Variants in ZBBX observed in about 807,000 individuals in gnomAD.
ZBBX encodes the protein zinc finger B-box domain containing, also known as zinc finger B-box domain-containing protein 1.
In ZBBX, 101 loss-of-function variants were observed where a neutral mutation model predicts 108.5. The observed-to-expected ratio is 0.93, with a 90% CI of 0.79 to 1.10. The LOEUF (loss-of-function observed/expected upper bound fraction) is 1.10. Ranked by LOEUF, ZBBX falls within the 50% of genes least tolerant of loss-of-function variation. ZBBX has a pLI of 0.00. For synonymous variants in ZBBX, 356 were observed against 323.4 expected (o/e 1.10, Z -1.08); for missense variants, 1,009 against 941.4 (o/e 1.07, Z -0.94).
the ZBBX span, among the ~76,000 whole-genome samples, chr3:167,229,398 C>A: frequency 2.0e-5 from 3 of 151,858 alleles, no homozygotes; most frequent in Admixed American, 6.6e-5. Context: ...TTGTCTCTAT[C>A]AGACCATAAA....
intron 21 of ZBBX, 114 bp from the exon 22 acceptor site, chr3:167,241,033 G>A: frequency 1.6e-6 from 2 of 1,266,490 alleles, no homozygotes; most frequent in South Asian, 1.5e-5. Context: ...GCAGATGTGA[G>A]GGAGCTGTAT....
intron 18 of ZBBX, among the ~76,000 whole-genome samples, chr3:167,294,296 T>C (rs760583334): frequency 3.9e-5 from 6 of 152,124 alleles, no homozygotes; most frequent in African/African-American, 1.4e-4. Context: ...CTTTAAAGTA[T>C]ACTACAAGGC....
intron 1 of ZBBX, among the ~76,000 whole-genome samples, chr3:167,398,832 G>A (rs1482946350): frequency 2.6e-5 from 4 of 151,992 alleles, no homozygotes; most frequent in African/African-American, 9.7e-5. Context: ...ATTGAGGGAT[G>A]GGGCCAGATT....
At chr3:167,222,221 CCA>C in the ZBBX span, among the ~76,000 whole-genome samples, 2 of 12,580 alleles carry the variant, frequency 1.6e-4, no homozygotes, top group Non-Finnish European at 2.8e-4. Context: ...TACTATTTGG[CCA>C]AAAAAAAAAA....
At chr3:167,178,481 G>T in the ZBBX span, among the ~76,000 whole-genome samples, 2 of 152,114 alleles carry the variant, frequency 1.3e-5, no homozygotes, top group African/African-American at 4.8e-5. Flanking sequence ...CAGGTAGGTG[G>T]CTGTGTTCGA....
Position 167,343,237 on chromosome 3 carries a change from C to G in ZBBX, c.528+7183G>C, listed in dbSNP as rs200242946. Among the ~76,000 whole-genome samples, 10 of 151,912 alleles carry G rather than the reference C, an allele frequency of 6.6e-5. No homozygotes were observed. In the East Asian group the frequency reaches 1.9e-3, roughly 29 times the overall value. On this transcript the variant is annotated intron_variant, in intron 9 of 21. Coordinates refer to ENST00000675490, the MANE Select transcript of ZBBX (RefSeq NM_001199201.2). ...GCTTGCATATATAAATATGATCTTT[C>G]AAAATTTCCTCAGCATAAACATCAC... is the stretch of plus-strand genomic sequence containing the variant.
intron 20 of ZBBX, among the ~76,000 whole-genome samples, chr3:167,257,390 T>C (rs543194953): frequency 3.3e-5 from 5 of 152,150 alleles, no homozygotes; most frequent in Admixed American, 6.5e-5. Flanking sequence ...CCGATTTGGA[T>C]GCCCTTTACT....
At chr3:167,329,430 A>T (rs1242374730) in intron 10 of ZBBX, among the ~76,000 whole-genome samples, 1 of 152,206 alleles carries the variant, frequency 6.6e-6, no homozygotes, top group Non-Finnish European at 1.5e-5. Context: ...AAGAAATTTT[A>T]AATACGAGCA....
chr3:167,380,866 GCACACACACACACACACA>G (rs59349359), upstream of ZBBX, among the ~76,000 whole-genome samples: 2 of 141,340 alleles, frequency 1.4e-5, no homozygotes, highest in African/African-American at 2.6e-5. Flanking sequence ...GCAAATATAT[GCACACACACACACACACA>G]CACACACACA....
In ZBBX at chr3:167,296,415, T is replaced by C. The variant is rs148545354; in HGVS notation, c.1879+1890A>G. On this transcript the variant is annotated intron_variant, in intron 18 of 21. Transcript: ENST00000675490. ...GACAAGAAAAAGAAATAAAAGACAT[T>C]TGAATTAGAAAGGAAGAAGTAAAAT... Among the ~76,000 whole-genome samples the C allele has an allele frequency of 6.7e-3, 1,021 of 152,094 alleles. 12 individuals are homozygous for C. Among genetic ancestry groups the C allele is most frequent in the African/African-American group, 0.023 (969 of 41,504 alleles).
intron 4 of ZBBX, among the ~76,000 whole-genome samples, chr3:167,369,541 G>A (rs1361883616): frequency 6.6e-6 from 1 of 152,156 alleles, no homozygotes; most frequent in Admixed American, 6.5e-5. Context: ...CAGAAAGAGA[G>A]GCATTTATTT....
the ZBBX span, among the ~76,000 whole-genome samples, chr3:167,228,874 CTGGCTT>C: frequency 1.3e-5 from 2 of 151,722 alleles, no homozygotes; most frequent in African/African-American, 4.8e-5. Flanking sequence ...CAACATGGGG[CTGGCTT>C]CAGCTTGCTC....
rs574441513 is a variant in ZBBX, at chr3:167,347,590, A to G, written c.528+2830T>C. On this transcript the variant is annotated intron_variant, in intron 9 of 21. Coordinates refer to ENST00000675490, the MANE Select transcript of ZBBX (RefSeq NM_001199201.2). The stretch of plus-strand genomic sequence containing the variant: ...TGAATAAAGGGACAAATTCGCTTTA[A>G]GAATTAGCTGAACAAAAAAGCTGTC... 6.6e-5 allele frequency among the ~76,000 whole-genome samples: 10 copies of G among 152,190 alleles called. No individual in the cohort carries two copies. In the South Asian group the frequency reaches 2.1e-3, roughly 32 times the overall value.
At chr3:167,202,939 A>C in the ZBBX span, among the ~76,000 whole-genome samples, 1 of 152,136 alleles carries the variant, frequency 6.6e-6, no homozygotes, top group Non-Finnish European at 1.5e-5. Flanking sequence ...ACAATAGGGA[A>C]TAGTTCATTA....
At position 167,279,583 on chromosome 3, in the gene ZBBX, C is replaced by T. The variant is rs1032067323; in HGVS notation, c.2254+2655G>A. 1.8e-4 allele frequency among the ~76,000 whole-genome samples: 27 copies of T among 150,646 alleles called. No individual in the cohort carries two copies. In the South Asian group the frequency reaches 5.5e-3, roughly 31 times the overall value. On this transcript the variant is annotated intron_variant, in intron 20 of 21. Transcript: ENST00000675490. ...TCAAGGAGAACTACAAACCACTGCT[C>T]AATGAAATAAAAGAGGATACAAACA... is the stretch of plus-strand genomic sequence containing the variant.
chr3:167,319,540 T>C (rs1268033523), intron 12 of ZBBX, among the ~76,000 whole-genome samples: 2 of 151,870 alleles, frequency 1.3e-5, no homozygotes, highest in Non-Finnish European at 2.9e-5. Flanking sequence ...CTGAACCCAA[T>C]GAAAGTCATA....
At chr3:167,326,909 A>T (rs1186086875) in intron 11 of ZBBX, among the ~76,000 whole-genome samples, 1 of 152,070 alleles carries the variant, frequency 6.6e-6, no homozygotes, top group Non-Finnish European at 1.5e-5. Flanking sequence ...TGGAAAAAAA[A>T]TGAAATAAAA....
the ZBBX span, among the ~76,000 whole-genome samples, chr3:167,193,642 C>A: frequency 3.9e-5 from 6 of 152,044 alleles, no homozygotes; most frequent in African/African-American, 9.7e-5. Context: ...GTGGTTCTCC[C>A]ATGTTCTCCC....
rs573176072 is a variant in ZBBX at position 167,247,751 on chromosome 3, G to A, written c.2255-5108C>T. Among the ~76,000 whole-genome samples, 117 of 152,208 alleles carry A rather than the reference G, an allele frequency of 7.7e-4. 3 individuals are homozygous for A. In the South Asian group the frequency reaches 0.024, roughly 31 times the overall value. ...ACACCCTCATTGCATGCCCTGCAAG[G>A]GGGACTAGGGAACCTTTCCCATTTC... On this transcript the variant is annotated intron_variant, in intron 20 of 21. Coordinates refer to ENST00000675490, the MANE Select transcript of ZBBX (RefSeq NM_001199201.2).
Sources: allele counts gnomAD v4.1 joint callset (sites outside exome capture counted in the v4.1 genomes callset), GRCh38; gene constraint gnomAD v4.1.1; transcripts MANE v1.5; gene names NCBI Gene and HGNC (gene_info 2026-07-23, HGNC 2026-07-21).